Variants in COL11A1 observed in about 807,000 individuals in gnomAD.
The protein encoded by COL11A1 is collagen type XI alpha 1 chain.
A neutral mutation model predicts 265.2 loss-of-function variants in COL11A1; 74 were observed. The observed-to-expected ratio is 0.28, with a 90% CI of 0.23 to 0.34. The LOEUF (loss-of-function observed/expected upper bound fraction) is 0.34. Among genes scored for constraint, COL11A1 ranks in the 10% least tolerant of loss-of-function variants. The pLI is 1.00. For synonymous variants in COL11A1, 816 were observed against 727.6 expected (o/e 1.12, Z -1.96); for missense variants, 2,165 against 2,263.6 (o/e 0.96, Z 0.88).
In COL11A1 at chr1:102,879,829, A is replaced by G; in HGVS notation, c.5128T>C (p.Phe1710Leu). Residue 1710 changes from phenylalanine (F) to leucine (L), a missense_variant, in exon 66 of 67, where the codon TTC (phenylalanine) becomes CTC (leucine). Physicochemically the swap from Phe to Leu is conservative, Grantham distance 22. Coordinates refer to ENST00000370096, the MANE Select transcript of COL11A1 (RefSeq NM_001854.4). ...GCTGACTGATGACAGTGGTAGGTGA[A>G]ATTTTGCCGAGCAGAGGCAGTCAGA... The part of the protein sequence containing the change: ...KLLTASARQN[F>L]TYHCHQSAAW... The G allele has an allele frequency of 6.2e-7, 1 of 1,614,002 alleles. No individual in the cohort carries two copies. The highest frequency in any genetic ancestry group is 8.5e-7 in the Non-Finnish European group (1 of 1,179,904).
intron 46 of COL11A1, among the ~76,000 whole-genome samples, chr1:102,933,782 T>C (rs1287859079): frequency 1.3e-5 from 2 of 152,154 alleles, no homozygotes; most frequent in Non-Finnish European, 2.9e-5. Context: ...GTGCCGGATA[T>C]AATCTCGTGG....
chr1:103,037,832 T>G (rs1448583494), intron 4 of COL11A1, among the ~76,000 whole-genome samples: 7 of 152,142 alleles, frequency 4.6e-5, no homozygotes, highest in Non-Finnish European at 8.8e-5. Context: ...AAAATAACAC[T>G]GTAACGATTG....
chr1:102,894,569 A>T (rs1222770651), intron 57 of COL11A1, among the ~76,000 whole-genome samples: 2 of 152,118 alleles, frequency 1.3e-5, no homozygotes, highest in Non-Finnish European at 2.9e-5. Context: ...TCTTATTCCC[A>T]TTTAATGTTG....
chr1:103,087,721 A>G (rs1252422766), intron 1 of COL11A1, among the ~76,000 whole-genome samples: 3 of 152,206 alleles, frequency 2.0e-5, no homozygotes, highest in East Asian at 1.9e-4. Flanking sequence ...CTGGTAATGC[A>G]TCTTCTGCAG....
chr1:102,932,978 T>C (rs547532175), intron 46 of COL11A1, among the ~76,000 whole-genome samples: 2,321 of 137,274 alleles, frequency 0.017, 37 homozygotes, highest in Middle Eastern at 0.03. Flanking sequence ...TTGGTTATTC[T>C]AGTTATACCT....
chr1:103,062,416 G>A (rs1670745932), intron 4 of COL11A1, among the ~76,000 whole-genome samples: 1 of 151,770 alleles, frequency 6.6e-6, no homozygotes, highest in African/African-American at 2.4e-5. Context: ...GAACATAAAT[G>A]CAAAAATCCT....
At chr1:102,945,252 CTCTCTCTCT>C (rs1557855941) in intron 42 of COL11A1, among the ~76,000 whole-genome samples, 1 of 86,756 alleles carries the variant, frequency 1.2e-5, no homozygotes, top group Non-Finnish European at 2.5e-5. Context: ...TTTTTACTCT[CTCTCTCTCT>C]CTCTCTCTCT....
intron 42 of COL11A1, among the ~76,000 whole-genome samples, chr1:102,945,347 G>C (rs1285185962): frequency 6.6e-6 from 1 of 150,658 alleles, no homozygotes; most frequent in Non-Finnish European, 1.5e-5. Context: ...TACCAGATGT[G>C]GCCCCACTAT....
intron 18 of COL11A1, among the ~76,000 whole-genome samples, chr1:103,005,133 G>C (rs1315464762): frequency 2.6e-5 from 4 of 152,076 alleles, no homozygotes; most frequent in Non-Finnish European, 2.9e-5. Context: ...ATCTTAACAT[G>C]TTAGACACAT....
In COL11A1 at chr1:102,923,404, T is replaced by C. The variant is rs775785452; in HGVS notation, c.3601-15A>G. The C allele has an allele frequency of 1.3e-5, 21 of 1,573,556 alleles. No individual in the cohort carries two copies. The highest frequency in any genetic ancestry group is 1.8e-5 in the Non-Finnish European group (21 of 1,156,718). On this transcript the variant is annotated splice_polypyrimidine_tract_variant and intron_variant, in intron 46 of 66. Coordinates refer to ENST00000370096, the MANE Select transcript of COL11A1 (RefSeq NM_001854.4). ...CCTGGCAGACCCTAAGAAAATATAA[T>C]AGAAAAATAATAAAAGTCACTGATG...
At chr1:103,010,094 G>GA (rs1557940579) in intron 14 of COL11A1, among the ~76,000 whole-genome samples, 1 of 151,960 alleles carries the variant, frequency 6.6e-6, no homozygotes, top group African/African-American at 2.4e-5. Flanking sequence ...AAATAATAGG[G>GA]AAAAAACAGA....
In COL11A1 at chr1:102,890,210, C is replaced by T. The variant is rs546564419; in HGVS notation, c.4356+241G>A. Among the ~76,000 whole-genome samples, 13 of 152,052 alleles carry T rather than the reference C, an allele frequency of 8.5e-5. No homozygotes were observed. In the South Asian group the frequency reaches 2.7e-3, roughly 32 times the overall value. ...TTTTAGTATAACCATATGCTTTCTA[C>T]ATATGGTTGCTATAATGGAACCTTG... On this transcript the variant is annotated intron_variant, in intron 58 of 66. Transcript: ENST00000370096.
intron 4 of COL11A1, among the ~76,000 whole-genome samples, chr1:103,035,663 A>T (rs1668311434): frequency 6.6e-6 from 1 of 152,088 alleles, no homozygotes; most frequent in Admixed American, 6.6e-5. Flanking sequence ...TCTTTAATTT[A>T]TGATGAAGCA....
At chr1:103,107,936 A>G (rs1195491552) in intron 1 of COL11A1, 137 bp downstream of exon 1, 5 of 719,252 alleles carry the variant, frequency 7.0e-6, no homozygotes, top group East Asian at 5.4e-5. Context: ...AGCAGCTACA[A>G]TCTGGATTGT....
At chr1:103,018,928 A>G in intron 9 of COL11A1, 69 bp from the exon 10 acceptor site, 1 of 1,176,474 alleles carries the variant, frequency 8.5e-7, no homozygotes, top group Non-Finnish European at 1.3e-6. Flanking sequence ...ACATGAATAT[A>G]AGAGAACACT....
chr1:102,906,709 A>AT (rs148059417), intron 54 of COL11A1, among the ~76,000 whole-genome samples: 160 of 147,912 alleles, frequency 1.1e-3, no homozygotes, highest in Non-Finnish European at 1.8e-3. Context: ...CTGTGTTTCC[A>AT]TTTTTTTTTT....
At chr1:102,923,496 G>A (rs1392644079) in intron 46 of COL11A1, 107 bp from the exon 47 acceptor site, 5 of 832,172 alleles carry the variant, frequency 6.0e-6, no homozygotes, top group African/African-American at 1.7e-5. Flanking sequence ...TAAGTACATG[G>A]AAATTAAGAT....
chr1:103,091,118 T>A lies in COL11A1; in HGVS notation c.107-8146A>T, dbSNP rs376675771. Reference sequence around the variant, plus strand: ...ATTAGCATTTTTCTCTTTTCATTATTTTTTCTTTGCATTGCATAGAAATTG... The same window carrying A: ...ATTAGCATTTTTCTCTTTTCATTATATTTTCTTTGCATTGCATAGAAATTG... On this transcript the variant is annotated intron_variant, in intron 1 of 66. Coordinates refer to ENST00000370096, the MANE Select transcript of COL11A1 (RefSeq NM_001854.4). Among the ~76,000 whole-genome samples the A allele has an allele frequency of 6.2e-3, 940 of 152,216 alleles. 5 individuals carry two copies. Among genetic ancestry groups the A allele is most frequent in the Middle Eastern group, 0.037 (11 of 294 alleles).
At chr1:102,948,961 G>A (rs563986101) in intron 41 of COL11A1, among the ~76,000 whole-genome samples, 2 of 151,932 alleles carry the variant, frequency 1.3e-5, no homozygotes, top group Non-Finnish European at 2.9e-5. Context: ...TGAGAGGGAG[G>A]TCAGGAAGGA....
Sources: allele counts gnomAD v4.1 joint callset (sites outside exome capture counted in the v4.1 genomes callset), GRCh38; gene constraint gnomAD v4.1.1; transcripts MANE v1.5; gene names NCBI Gene and HGNC (gene_info 2026-07-23, HGNC 2026-07-21).